Variants in LIMK2 observed in about 807,000 individuals in gnomAD.
LIMK2 encodes LIM domain kinase 2.
In LIMK2, 35 loss-of-function variants were observed where a neutral mutation model predicts 75.7. The observed-to-expected ratio is 0.46, with a 90% confidence interval of 0.35 to 0.61. The LOEUF (loss-of-function observed/expected upper bound fraction) is 0.61, where lower values mean the gene tolerates loss of function less well. LIMK2 is among the 20% of genes least tolerant of loss of function. LIMK2 has a pLI of 0.00. For missense variants in LIMK2, 623 were observed against 831.0 expected (o/e 0.75, Z 3.08); for synonymous variants, 301 against 319.2 (o/e 0.94, Z 0.61).
chr22:31,276,534 A>G (rs905136667), intron 15 of LIMK2, among the ~76,000 whole-genome samples: 5 of 146,636 alleles, frequency 3.4e-5, no homozygotes, highest in African/African-American at 1.2e-4. Flanking sequence ...CGACCAGGCC[A>G]GGCCCGGGGG....
At chr22:31,264,954 G>A (rs368949827) in intron 7 of LIMK2, among the ~76,000 whole-genome samples, 1 of 152,158 alleles carries the variant, frequency 6.6e-6, no homozygotes, top group African/African-American at 2.4e-5. Context: ...AGCACTTAGG[G>A]AGGCCGAGAC....
chr22:31,236,499 C>T (rs779339386), intron 2 of LIMK2, among the ~76,000 whole-genome samples: 2 of 150,978 alleles, frequency 1.3e-5, no homozygotes, highest in African/African-American at 2.4e-5. Context: ...GTCCCAGCTA[C>T]TCAGGAGGCT....
At position 31,213,431 on chromosome 22, in the gene LIMK2, G is replaced by A. The variant is rs557871631; in HGVS notation, c.16+1007G>A. Among the ~76,000 whole-genome samples, 25 of 152,316 alleles carry A rather than the reference G, an allele frequency of 1.6e-4. No individual in the cohort carries two copies. In the South Asian group the frequency reaches 4.8e-3, roughly 29 times the overall value. Reference sequence around the variant, plus strand: ...GGCGGCAAGAGGGTATTGAGGTGGAGGGGGGCTGGCTATCTGCCCCCTGCT... The same window carrying A: ...GGCGGCAAGAGGGTATTGAGGTGGAAGGGGGCTGGCTATCTGCCCCCTGCT... On this transcript the variant is annotated intron_variant, in intron 1 of 15. Coordinates refer to ENST00000331728, the MANE Select transcript of LIMK2 (RefSeq NM_005569.4).
At chr22:31,220,441 G>C (rs2048423696) in intron 1 of LIMK2, among the ~76,000 whole-genome samples, 1 of 152,182 alleles carries the variant, frequency 6.6e-6, no homozygotes. Flanking sequence ...TGTCTGTTTT[G>C]CACCAGGCCC....
rs2048814082 is a variant in LIMK2, at chr22:31,259,227, A to G, written c.359A>G (p.Tyr120Cys). 2 of 1,588,818 alleles carry G rather than the reference A, an allele frequency of 1.3e-6. No individual in the cohort carries two copies. The highest frequency in any genetic ancestry group is 1.7e-6 in the Non-Finnish European group (2 of 1,157,174). The change falls in exon 4 of 16, where the codon TAC (tyrosine) becomes TGC (cysteine). Residue 120 changes from tyrosine to cysteine, a missense_variant. By Grantham distance (194) the Tyr-to-Cys change is radical (BLOSUM62 -2). Transcript: ENST00000331728. ...AYALVQHATL[Y>C]CGKCHNEVVL... ...GCACTGGTGCAGCATGCCACCCTCT[A>G]CTGGTAAGATAGTGGTCCTTTGTCT... is the stretch of plus-strand genomic sequence containing the variant.
intron 8 of LIMK2, 152 bp from the exon 9 acceptor site, chr22:31,266,832 C>A: frequency 1.6e-6 from 1 of 639,340 alleles, no homozygotes; most frequent in Non-Finnish European, 2.9e-6. Context: ...CCATGTTGCT[C>A]CACGCTGCAT....
At chr22:31,234,213 T>C (rs981504069) in intron 2 of LIMK2, among the ~76,000 whole-genome samples, 5 of 151,414 alleles carry the variant, frequency 3.3e-5, no homozygotes, top group African/African-American at 1.2e-4. Flanking sequence ...GGTTTTGCCA[T>C]GTTGGCCAAG....
intron 2 of LIMK2, among the ~76,000 whole-genome samples, chr22:31,249,878 C>T (rs930786162): frequency 1.3e-5 from 2 of 152,172 alleles, no homozygotes; most frequent in African/African-American, 2.4e-5. Flanking sequence ...CTCTACCAAG[C>T]GCCCTGCTAG....
intron 2 of LIMK2, among the ~76,000 whole-genome samples, chr22:31,242,466 T>C (rs923648204): frequency 6.6e-6 from 1 of 152,250 alleles, no homozygotes; most frequent in Admixed American, 6.5e-5. Flanking sequence ...TTTGGAGATA[T>C]TGCACCCATT....
chr22:31,230,499 G>A (rs1407965502), intron 2 of LIMK2, among the ~76,000 whole-genome samples: 2 of 152,158 alleles, frequency 1.3e-5, no homozygotes, highest in Admixed American at 6.5e-5. Context: ...TGGCCCCAGC[G>A]TGGGTCTCTA....
In LIMK2 at chr22:31,278,494, G is replaced by C; in HGVS notation, c.*53G>C. The C allele has an allele frequency of 6.5e-7, 1 of 1,533,820 alleles. No homozygotes were observed. The highest frequency in any genetic ancestry group is 8.7e-7 in the Non-Finnish European group (1 of 1,143,310). On this transcript the variant is annotated 3_prime_UTR_variant, in exon 16 of 16. Coordinates refer to ENST00000331728, the MANE Select transcript of LIMK2 (RefSeq NM_005569.4). The stretch of plus-strand genomic sequence containing the variant: ...GTTCTACAGCCAGCATTGCCCCTCT[G>C]TGCCCCATTCCTGCTGTGAGCAGGG...
rs556589784 is a variant in LIMK2 at position 31,276,603 on chromosome 22, C to T, written c.1772+1295C>T. ...GCCGCCGCCCTCGCCGCGGAGCCGG[C>T]GAGCTAACCTGAGCCAGCCGGCGGG... On this transcript the variant is annotated intron_variant, in intron 15 of 15. Coordinates refer to ENST00000331728, the MANE Select transcript of LIMK2 (RefSeq NM_005569.4). Among the ~76,000 whole-genome samples, 778 of 146,230 alleles carry T rather than the reference C, an allele frequency of 5.3e-3. 5 individuals carry two copies. The highest frequency in any genetic ancestry group is 0.018 in the African/African-American group (739 of 40,896).
chr22:31,236,630 C>T (rs550326353), intron 2 of LIMK2, among the ~76,000 whole-genome samples: 34 of 145,124 alleles, frequency 2.3e-4, no homozygotes, highest in Non-Finnish European at 3.9e-4. Flanking sequence ...AAAAAAGAAA[C>T]GAGCCAGGCG....
intron 2 of LIMK2, among the ~76,000 whole-genome samples, chr22:31,248,032 G>T (rs938888707): frequency 6.6e-6 from 1 of 151,850 alleles, no homozygotes; most frequent in Non-Finnish European, 1.5e-5. Flanking sequence ...GCTCTTCCTG[G>T]ACCTGGCATC....
intron 3 of LIMK2, chr22:31,258,919 A>G (rs889030229): frequency 9.4e-6 from 5 of 529,808 alleles, no homozygotes; most frequent in African/African-American, 7.6e-5. Flanking sequence ...ACTGAGACCA[A>G]AACAGTTTTG....
intron 2 of LIMK2, among the ~76,000 whole-genome samples, chr22:31,251,479 C>G (rs1285494323): frequency 6.6e-6 from 1 of 152,164 alleles, no homozygotes; most frequent in African/African-American, 2.4e-5. Flanking sequence ...TGTGGCTCCT[C>G]AGAGGCACAC....
At chr22:31,271,758 C>T (rs1429385181) in intron 12 of LIMK2, among the ~76,000 whole-genome samples, 1 of 152,236 alleles carries the variant, frequency 6.6e-6, no homozygotes, top group Non-Finnish European at 1.5e-5. Context: ...TCCCACATGA[C>T]TGCCCTGTAG....
chr22:31,226,046 G>A (rs2048474717), intron 2 of LIMK2, among the ~76,000 whole-genome samples: 1 of 152,130 alleles, frequency 6.6e-6, no homozygotes, highest in South Asian at 2.1e-4. Context: ...CAGGGTGGGG[G>A]GATGAGAGGA....
At chr22:31,256,784 A>C (rs2048786886) in intron 2 of LIMK2, among the ~76,000 whole-genome samples, 1 of 152,180 alleles carries the variant, frequency 6.6e-6, no homozygotes, top group Non-Finnish European at 1.5e-5. Context: ...CAAACCAAGC[A>C]ATGTTCAAAC....
Sources: allele counts gnomAD v4.1 joint callset (sites outside exome capture counted in the v4.1 genomes callset), GRCh38; gene constraint gnomAD v4.1.1; transcripts MANE v1.5; gene names NCBI Gene and HGNC (gene_info 2026-07-23, HGNC 2026-07-21).